Variants in LAMC1 observed in about 807,000 individuals in gnomAD.
LAMC1 encodes laminin subunit gamma 1, also known as laminin subunit gamma-1.
LAMC1 carries 38 observed loss-of-function variants against 173.6 expected under a neutral mutation model. That is an observed-to-expected ratio of 0.22 (90% CI 0.17 to 0.29). The LOEUF (loss-of-function observed/expected upper bound fraction) is 0.29, where lower values mean the gene tolerates loss of function less well. Ranked by LOEUF, LAMC1 falls within the 10% of genes least tolerant of loss-of-function variation. The pLI, the probability that LAMC1 is intolerant of heterozygous loss-of-function variation, is 1.00. For synonymous variants in LAMC1, 746 were observed against 749.1 expected (o/e 1.00, Z 0.07); for missense variants, 1,824 against 2,051.8 (o/e 0.89, Z 2.14).
intron 1 of LAMC1, among the ~76,000 whole-genome samples, chr1:183,091,978 A>C (rs1161895995): frequency 1.3e-5 from 2 of 152,202 alleles, no homozygotes; most frequent in African/African-American, 4.8e-5. Flanking sequence ...CTACTTGCCT[A>C]GGTTTTAGGG....
chr1:183,053,458 A>T (rs997458437), intron 1 of LAMC1, among the ~76,000 whole-genome samples: 1 of 151,934 alleles, frequency 6.6e-6, no homozygotes, highest in African/African-American at 2.4e-5. Flanking sequence ...TTGTTTGAAA[A>T]GTATTGAGTT....
intron 1 of LAMC1, among the ~76,000 whole-genome samples, chr1:183,028,892 G>A (rs1238262947): frequency 1.3e-5 from 2 of 152,132 alleles, no homozygotes; most frequent in African/African-American, 4.8e-5. Context: ...TCTTTTTCCA[G>A]ATCTAAAATC....
At chr1:183,043,468 CTA>C (rs1325697736) in intron 1 of LAMC1, among the ~76,000 whole-genome samples, 2 of 151,942 alleles carry the variant, frequency 1.3e-5, no homozygotes, top group African/African-American at 2.4e-5. Context: ...CTACTGAAGA[CTA>C]TATAAAAATG....
At chr1:183,050,843 A>T (rs1654405897) in intron 1 of LAMC1, among the ~76,000 whole-genome samples, 2 of 146,210 alleles carry the variant, frequency 1.4e-5, no homozygotes, top group Admixed American at 7.0e-5. Flanking sequence ...ATGAGCCAAG[A>T]TCGTGCTGTT....
chr1:183,124,941 G>A, intron 14 of LAMC1, 65 bp downstream of exon 14: 1 of 1,570,708 alleles, frequency 6.4e-7, no homozygotes, highest in Non-Finnish European at 8.7e-7. Context: ...ATTCTTGTGT[G>A]TCTCTTAAAA....
At chr1:183,136,823 G>A (rs929232469) in intron 25 of LAMC1, among the ~76,000 whole-genome samples, 1 of 152,056 alleles carries the variant, frequency 6.6e-6, no homozygotes, top group Non-Finnish European at 1.5e-5. Context: ...ATGTCTCAGT[G>A]TGAGGTCTGG....
At chr1:183,042,946 A>G (rs1183624248) in intron 1 of LAMC1, among the ~76,000 whole-genome samples, 1 of 152,140 alleles carries the variant, frequency 6.6e-6, no homozygotes, top group Middle Eastern at 3.2e-3. Flanking sequence ...GATGGTGTTT[A>G]CCTTCAGCTG....
chr1:183,105,645 A>T (rs1176652830), intron 2 of LAMC1, among the ~76,000 whole-genome samples: 10 of 151,706 alleles, frequency 6.6e-5, no homozygotes, highest in East Asian at 3.9e-4. Context: ...TAAAAAAAAA[A>T]ATGCTGTGGG....
intron 1 of LAMC1, among the ~76,000 whole-genome samples, chr1:183,031,148 A>G (rs1171662681): frequency 6.6e-6 from 1 of 152,196 alleles, no homozygotes; most frequent in African/African-American, 2.4e-5. Context: ...TCATGAGTAG[A>G]TTTAGAAGAT....
At chr1:183,115,999 G>T (rs1056879500) in intron 6 of LAMC1, among the ~76,000 whole-genome samples, 6 of 152,038 alleles carry the variant, frequency 3.9e-5, no homozygotes, top group African/African-American at 1.4e-4. Context: ...GCGTGGTGGC[G>T]GGCAGCAGTA....
chr1:183,106,543 A>G (rs1404170671), intron 2 of LAMC1, among the ~76,000 whole-genome samples: 1 of 152,122 alleles, frequency 6.6e-6, no homozygotes, highest in Non-Finnish European at 1.5e-5. Flanking sequence ...ACTCACCTGG[A>G]GCCTTCTGAA....
intron 1 of LAMC1, among the ~76,000 whole-genome samples, chr1:183,084,312 C>T (rs1192636396): frequency 6.6e-6 from 1 of 151,240 alleles, no homozygotes; most frequent in Non-Finnish European, 1.5e-5. Context: ...CGCCGCACTC[C>T]AGCCTGGGCG....
intron 1 of LAMC1, among the ~76,000 whole-genome samples, chr1:183,064,918 TCA>T (rs985198412): frequency 6.6e-6 from 1 of 152,098 alleles, no homozygotes; most frequent in African/African-American, 2.4e-5. Flanking sequence ...CAGGGTGCAC[TCA>T]CACACACCCA....
chr1:183,125,312 C>G, intron 14 of LAMC1, 85 bp from the exon 15 acceptor site: 1 of 1,473,786 alleles, frequency 6.8e-7, no homozygotes, highest in Non-Finnish European at 9.5e-7. Flanking sequence ...CAACACAGGT[C>G]TAAAGAATCT....
rs777803827 is a variant in LAMC1 at position 183,115,613 on chromosome 1, A to G, written c.1304A>G (p.His435Arg). ...DKCDRCQPGF[H>R]SLTEAGCRPC... ...TGTGACCGTTGCCAGCCTGGATTCC[A>G]TTCTCTCACTGAAGCAGGATGCAGG... The change falls in exon 6 of 28, where the codon CAT becomes CGT. Residue 435 changes from histidine to arginine, a missense_variant. By Grantham distance (29) the His-to-Arg change is conservative. Transcript: ENST00000258341. The G allele has an allele frequency of 1.2e-6, 2 of 1,613,354 alleles. No individual in the cohort carries two copies. The highest frequency in any genetic ancestry group is 1.7e-5 in the Admixed American group (1 of 60,024).
chr1:183,072,716 A>G (rs974256458), intron 1 of LAMC1, among the ~76,000 whole-genome samples: 11 of 152,298 alleles, frequency 7.2e-5, no homozygotes, highest in Admixed American at 3.3e-4. Flanking sequence ...CTTTATTTGT[A>G]TTTATAGCCA....
At chr1:183,045,213 A>G (rs1558031341) in intron 1 of LAMC1, among the ~76,000 whole-genome samples, 2 of 151,762 alleles carry the variant, frequency 1.3e-5, no homozygotes, top group Non-Finnish European at 2.9e-5. Context: ...AATACAAGGT[A>G]AAATAGATAA....
In LAMC1 at chr1:183,131,500, C is replaced by A. The variant is rs891537274; in HGVS notation, c.3566+122C>A. On this transcript the variant is annotated intron_variant, in intron 20 of 27. Coordinates refer to ENST00000258341, the MANE Select transcript of LAMC1 (RefSeq NM_002293.4). ...TAACCCATAAACACTTTCTACATAA[C>A]CCACTTTTGCACACTTTGCTCTCTT... 50 of 661,598 alleles carry A rather than the reference C, an allele frequency of 7.6e-5. No homozygotes were observed. In the East Asian group the frequency reaches 1.3e-3, roughly 17 times the overall value. The allele number at this position is 661,598 out of a possible 1,614,324, so 41.0% of individuals were successfully genotyped here. A position where few individuals can be genotyped will look rare whatever the true frequency, so the allele number is the denominator to read the frequency against.
chr1:183,035,524 C>A (rs1653958224), intron 1 of LAMC1, among the ~76,000 whole-genome samples: 2 of 152,076 alleles, frequency 1.3e-5, no homozygotes, highest in African/African-American at 4.8e-5. Context: ...AGGTTTTGGG[C>A]ATATGTACTA....
Sources: gnomAD v4.1 joint callset for allele counts (sites outside exome capture counted in the v4.1 genomes callset) on GRCh38, gnomAD v4.1.1 for gene constraint, MANE v1.5 for transcripts, NCBI Gene and HGNC (gene_info 2026-07-23, HGNC 2026-07-21) for gene names.